The following CPNE4 variants were observed in gnomAD, a reference collection of about 807,000 sequenced individuals.
CPNE4 encodes copine-4.
In CPNE4, 25 loss-of-function variants were observed where a neutral mutation model predicts 67.9. The ratio of observed to expected loss-of-function variants is 0.37; its 90% CI spans 0.27 to 0.51. The LOEUF (loss-of-function observed/expected upper bound fraction) is 0.51, where lower values mean the gene tolerates loss of function less well. CPNE4 is among the 20% of genes least tolerant of loss of function. CPNE4 has a pLI of 0.93. For synonymous variants in CPNE4, 242 were observed against 244.9 expected (o/e 0.99, Z 0.11); for missense variants, 464 against 690.8 (o/e 0.67, Z 3.68).
intron 2 of CPNE4, among the ~76,000 whole-genome samples, chr3:131,759,398 A>G (rs2082834620): frequency 6.6e-6 from 1 of 152,166 alleles, no homozygotes; most frequent in Non-Finnish European, 1.5e-5. Context: ...GCCATCTTCT[A>G]TTCTTTTATT....
intron 1 of CPNE4, among the ~76,000 whole-genome samples, chr3:132,026,220 A>G (rs2074113012): frequency 6.6e-6 from 1 of 152,222 alleles, no homozygotes; most frequent in African/African-American, 2.4e-5. Flanking sequence ...CCAGAGTGAC[A>G]GAGGGAGTAT....
At chr3:132,024,144 C>T (rs557467762) in intron 1 of CPNE4, among the ~76,000 whole-genome samples, 1 of 149,564 alleles carries the variant, frequency 6.7e-6, no homozygotes, top group Admixed American at 6.7e-5. Flanking sequence ...AGTGCTGCAG[C>T]GCAATCTTGG....
chr3:131,743,366 A>C (rs1464905147), intron 2 of CPNE4, among the ~76,000 whole-genome samples: 1 of 152,234 alleles, frequency 6.6e-6, no homozygotes, highest in Non-Finnish European at 1.5e-5. Flanking sequence ...ATTATAATGT[A>C]ACTTCAGCTG....
At chr3:131,708,082 T>C (rs987347246) in intron 3 of CPNE4, among the ~76,000 whole-genome samples, 1 of 19,906 alleles carries the variant, frequency 5.0e-5, no homozygotes, top group African/African-American at 1.7e-4. Context: ...TATAGTCACC[T>C]ATTGGCTTAG....
At chr3:131,798,159 G>A (rs2107901434) in intron 2 of CPNE4, among the ~76,000 whole-genome samples, 1 of 152,200 alleles carries the variant, frequency 6.6e-6, no homozygotes, top group East Asian at 1.9e-4. Flanking sequence ...TTGGGGGTTA[G>A]GACTTCAACA....
At chr3:131,803,479 G>A (rs1427763672) in intron 2 of CPNE4, among the ~76,000 whole-genome samples, 1 of 152,172 alleles carries the variant, frequency 6.6e-6, no homozygotes, top group Admixed American at 6.5e-5. Flanking sequence ...TATGTGATTT[G>A]TTCTCCTCAA....
chr3:131,626,026 T>C (rs954786291), intron 7 of CPNE4, among the ~76,000 whole-genome samples: 2 of 152,202 alleles, frequency 1.3e-5, no homozygotes, highest in East Asian at 1.9e-4. Context: ...TGCCACAAAC[T>C]GTGTCCCTAT....
chr3:131,644,576 G>C (rs893027375), intron 7 of CPNE4, among the ~76,000 whole-genome samples: 2 of 152,136 alleles, frequency 1.3e-5, no homozygotes, highest in East Asian at 1.9e-4. Flanking sequence ...TCCATGTCCA[G>C]ATTTTAGATA....
chr3:131,749,523 T>A (rs2082572795), intron 2 of CPNE4, among the ~76,000 whole-genome samples: 1 of 152,106 alleles, frequency 6.6e-6, no homozygotes, highest in African/African-American at 2.4e-5. Flanking sequence ...GTCTAGTTGT[T>A]TTATCAATTG....
chr3:131,771,688 A>T (rs996030552), intron 2 of CPNE4, among the ~76,000 whole-genome samples: 2 of 152,104 alleles, frequency 1.3e-5, no homozygotes, highest in Admixed American at 1.3e-4. Context: ...TTTTCTTTGT[A>T]AGTTACCCAG....
At chr3:131,923,757 A>G (rs1251025314) in intron 1 of CPNE4, among the ~76,000 whole-genome samples, 2 of 151,464 alleles carry the variant, frequency 1.3e-5, no homozygotes, top group Admixed American at 6.6e-5. Context: ...AAAAAATCCA[A>G]CAGAACCAAA....
chr3:131,981,867 A>G (rs181371215), intron 1 of CPNE4, among the ~76,000 whole-genome samples: 2 of 152,228 alleles, frequency 1.3e-5, no homozygotes, highest in African/African-American at 4.8e-5. Flanking sequence ...CTCCAGTAGG[A>G]GTGTGTGTTT....
intron 7 of CPNE4, among the ~76,000 whole-genome samples, chr3:131,590,757 G>A (rs1349265834): frequency 6.6e-6 from 1 of 152,136 alleles, no homozygotes; most frequent in Admixed American, 6.5e-5. Flanking sequence ...GACAGTTATG[G>A]AAAATTTGGT....
intron 7 of CPNE4, 94 bp downstream of exon 7, chr3:131,669,581 A>G (rs2080353556): frequency 1.0e-6 from 1 of 985,644 alleles, no homozygotes; most frequent in Admixed American, 2.0e-5. Flanking sequence ...CAGTGTAAAG[A>G]AAATTTGGGG....
chr3:131,848,293 A>G (rs140887693), intron 2 of CPNE4, among the ~76,000 whole-genome samples: 89 of 152,282 alleles, frequency 5.8e-4, no homozygotes, highest in Non-Finnish European at 1.1e-3. Context: ...ATGTATTAAT[A>G]CATTCTAAAA....
chr3:131,550,094 G>A lies in CPNE4; in HGVS notation c.1169-14C>T. 6.2e-7 allele frequency: 1 copy of A among 1,612,216 alleles called. No homozygotes were observed. Among genetic ancestry groups the A allele is most frequent in the Non-Finnish European group, 8.5e-7 (1 of 1,178,866 alleles). ...CTCCTTGAATTCCTGAGGTGAAATTGGCAAAGATCAACAGCTCCAGAGTCA... is the reference window on the plus strand; with the variant it reads ...CTCCTTGAATTCCTGAGGTGAAATTAGCAAAGATCAACAGCTCCAGAGTCA... On this transcript the variant is annotated splice_polypyrimidine_tract_variant and intron_variant, in intron 13 of 15. Transcript: ENST00000429747.
intron 2 of CPNE4, among the ~76,000 whole-genome samples, chr3:131,856,712 T>C (rs924552671): frequency 3.9e-5 from 6 of 151,988 alleles, no homozygotes; most frequent in African/African-American, 1.4e-4. Flanking sequence ...TGGCTAACAA[T>C]AAAAATTATT....
intron 7 of CPNE4, among the ~76,000 whole-genome samples, chr3:131,629,278 GACGC>G (rs1328966256): frequency 6.6e-6 from 1 of 152,110 alleles, no homozygotes; most frequent in Non-Finnish European, 1.5e-5. Flanking sequence ...TTTGGGAGGG[GACGC>G]AGCCAAACCA....
intron 7 of CPNE4, among the ~76,000 whole-genome samples, chr3:131,596,185 AG>A (rs745568306): frequency 2.0e-5 from 3 of 149,952 alleles, no homozygotes; most frequent in Non-Finnish European, 4.4e-5. Flanking sequence ...AATTGATGCA[AG>A]GAAACTTTTG....
Sources: allele counts gnomAD v4.1 joint callset (sites outside exome capture counted in the v4.1 genomes callset), GRCh38; gene constraint gnomAD v4.1.1; transcripts MANE v1.5; gene names NCBI Gene and HGNC (gene_info 2026-07-23, HGNC 2026-07-21).